The following TBX15 variants were observed in gnomAD, a reference collection of about 807,000 sequenced individuals.
TBX15 encodes T-box transcription factor 15.
Under a neutral mutation model 53.9 loss-of-function variants are expected in TBX15, and 18 were observed. The ratio of observed to expected loss-of-function variants is 0.33; its 90% CI spans 0.23 to 0.49. The LOEUF is 0.49. TBX15 is among the 20% of genes least tolerant of loss of function. The pLI is 0.98. For missense variants in TBX15, 692 were observed against 749.5 expected, an observed-to-expected ratio of 0.92 and a Z score of 0.90; for synonymous variants, 295 against 278.0, an observed-to-expected ratio of 1.06 and a Z score of -0.61.
chr1:118,939,787 CCT>C (rs1011895099), intron 1 of TBX15, among the ~76,000 whole-genome samples: 6 of 151,820 alleles, frequency 4.0e-5, no homozygotes, highest in Admixed American at 2.0e-4. Context: ...AAAGTTTCAA[CCT>C]CTAGTGATCC....
intron 1 of TBX15, among the ~76,000 whole-genome samples, chr1:118,955,246 TAAA>T (rs58623472): frequency 6.7e-6 from 1 of 149,850 alleles, no homozygotes; most frequent in Admixed American, 6.6e-5. Context: ...ACAATGTGAT[TAAA>T]AAAAAAAATG....
intron 1 of TBX15, among the ~76,000 whole-genome samples, chr1:118,947,739 T>C (rs1453231028): frequency 6.6e-6 from 1 of 152,168 alleles, no homozygotes; most frequent in Non-Finnish European, 1.5e-5. Flanking sequence ...GCAGTGCCCA[T>C]TAGAGATGAG....
intron 1 of TBX15, among the ~76,000 whole-genome samples, chr1:118,960,250 G>A (rs897118424): frequency 3.3e-5 from 5 of 152,066 alleles, no homozygotes; most frequent in Admixed American, 6.6e-5. Context: ...AAGTACATCC[G>A]CTAGGCTTGC....
At chr1:118,905,901 G>T (rs1439378143) in intron 6 of TBX15, among the ~76,000 whole-genome samples, 1 of 152,208 alleles carries the variant, frequency 6.6e-6, no homozygotes, top group East Asian at 1.9e-4. Context: ...GGAGCCAGAG[G>T]TGGACAAAGA....
chr1:118,948,499 A>C (rs1177468027), intron 1 of TBX15, among the ~76,000 whole-genome samples: 1 of 152,186 alleles, frequency 6.6e-6, no homozygotes, highest in Admixed American at 6.5e-5. Context: ...GTCCCAAAGA[A>C]ACCTCAGGTT....
chr1:118,934,372 A>G lies in TBX15; in HGVS notation c.206-2540T>C, dbSNP rs575221347. Among the ~76,000 whole-genome samples the G allele has an allele frequency of 2.3e-4, 35 of 152,318 alleles. 1 individual carries two copies. The highest frequency in any genetic ancestry group is 7.7e-4 in the East Asian group (4 of 5,186). ...CGGGGGCTCAGATTCACATTACCAT[A>G]GGAGTTAAATAATTGAGTGGGTATT... On this transcript the variant is annotated intron_variant, in intron 1 of 7. Transcript: ENST00000369429.
chr1:118,931,220 AC>A (rs1655770800), intron 2 of TBX15, among the ~76,000 whole-genome samples: 1 of 152,254 alleles, frequency 6.6e-6, no homozygotes, highest in African/African-American at 2.4e-5. Flanking sequence ...AAAAATTACT[AC>A]AAAAGCATTG....
chr1:118,946,902 C>G (rs1046586408), intron 1 of TBX15, among the ~76,000 whole-genome samples: 11 of 152,202 alleles, frequency 7.2e-5, no homozygotes, highest in African/African-American at 2.7e-4. Flanking sequence ...GTTCTCTTTT[C>G]CCCTATCTCC....
At chr1:118,910,113 G>A (rs1051190517) in intron 6 of TBX15, among the ~76,000 whole-genome samples, 1 of 152,100 alleles carries the variant, frequency 6.6e-6, no homozygotes, top group African/African-American at 2.4e-5. Context: ...CCCTCTTCTT[G>A]AGCCTCTGGA....
intron 6 of TBX15, among the ~76,000 whole-genome samples, chr1:118,908,998 T>A (rs1453768116): frequency 6.6e-6 from 1 of 152,120 alleles, no homozygotes; most frequent in Non-Finnish European, 1.5e-5. Flanking sequence ...TACTTGGTAA[T>A]GGAAAGTAGC....
intron 3 of TBX15, 143 bp downstream of exon 3, chr1:118,926,367 C>T (rs1042518256): frequency 6.1e-5 from 47 of 775,718 alleles, no homozygotes; most frequent in Middle Eastern, 3.1e-4. Context: ...CCACCTGGTG[C>T]TCTGCCACAG....
intron 1 of TBX15, among the ~76,000 whole-genome samples, chr1:118,942,318 G>A (rs1215551871): frequency 6.6e-6 from 1 of 152,180 alleles, no homozygotes; most frequent in Non-Finnish European, 1.5e-5. Flanking sequence ...CTCAGCACCT[G>A]GAACAGTGTC....
intron 5 of TBX15, among the ~76,000 whole-genome samples, chr1:118,915,903 C>A (rs779079224): frequency 1.2e-4 from 18 of 152,144 alleles, no homozygotes; most frequent in Non-Finnish European, 1.6e-4. Flanking sequence ...ATATTTCCCA[C>A]AGCTCATTGG....
At chr1:118,931,407 T>A (rs1655774830) in intron 2 of TBX15, among the ~76,000 whole-genome samples, 1 of 152,236 alleles carries the variant, frequency 6.6e-6, no homozygotes, top group South Asian at 2.1e-4. Flanking sequence ...GTGATTTACA[T>A]GACTTACATT....
intron 1 of TBX15, among the ~76,000 whole-genome samples, chr1:118,937,347 T>A (rs78955084): frequency 2.6e-5 from 4 of 152,300 alleles, no homozygotes; most frequent in Non-Finnish European, 5.9e-5. Context: ...TGCCAGTCAC[T>A]CTTCTAAACT....
At chr1:118,889,715 T>A (rs937765351) in intron 7 of TBX15, among the ~76,000 whole-genome samples, 1 of 152,244 alleles carries the variant, frequency 6.6e-6, no homozygotes, top group African/African-American at 2.4e-5. Context: ...AATATCTATT[T>A]TGTAGAGATG....
At chr1:118,894,375 C>T (rs1226252342) in intron 7 of TBX15, among the ~76,000 whole-genome samples, 4 of 152,140 alleles carry the variant, frequency 2.6e-5, no homozygotes, top group Admixed American at 6.5e-5. Context: ...AAAGCCAGAA[C>T]ATGCAAGGTC....
At chr1:118,968,684 G>A (rs185622909) in intron 1 of TBX15, among the ~76,000 whole-genome samples, 1 of 152,276 alleles carries the variant, frequency 6.6e-6, no homozygotes, top group African/African-American at 2.4e-5. Context: ...TTCTCAGCAT[G>A]GAAACTAGTT....
chr1:118,962,388 G>C (rs1353308545), intron 1 of TBX15, among the ~76,000 whole-genome samples: 3 of 151,676 alleles, frequency 2.0e-5, no homozygotes, highest in South Asian at 4.2e-4. Context: ...TGATGATAAG[G>C]GTAACTATCA....
Sources: allele counts gnomAD v4.1 joint callset (sites outside exome capture counted in the v4.1 genomes callset), GRCh38; gene constraint gnomAD v4.1.1; transcripts MANE v1.5; gene names NCBI Gene and HGNC (gene_info 2026-07-23, HGNC 2026-07-21).